SEC23B: variants seen among roughly 807,000 people sequenced by gnomAD.
The protein encoded by SEC23B is SEC23 homolog B, COPII component.
In SEC23B, 77 loss-of-function variants were observed where a neutral mutation model predicts 104.3. That is an observed-to-expected ratio of 0.74 (90% CI 0.61 to 0.89). The LOEUF (loss-of-function observed/expected upper bound fraction) is 0.89, where lower values mean the gene tolerates loss of function less well. Ranked by LOEUF, SEC23B falls within the 40% of genes least tolerant of loss-of-function variation. The pLI is 0.00. For synonymous variants in SEC23B, 338 were observed against 332.5 expected (o/e 1.02, Z -0.18); for missense variants, 885 against 949.4 (o/e 0.93, Z 0.89).
At chr20:18,554,107 C>A in intron 17 of SEC23B, 128 bp from the exon 18 acceptor site, 1 of 1,108,590 alleles carries the variant, frequency 9.0e-7, no homozygotes, top group Non-Finnish European at 1.3e-6. Flanking sequence ...CCCTCTGAAG[C>A]TTGTCATTTT....
Position 18,554,259 on chromosome 20 carries a change from G to A in SEC23B, c.2017G>A (p.Gly673Ser), listed in dbSNP as rs2060414936. ...GACCATAGCCCAGTGGCGTAAAGCTGGCTACCAGGACATGCCCGAGTATGA... is the reference window on the plus strand; with the variant it reads ...GACCATAGCCCAGTGGCGTAAAGCTAGCTACCAGGACATGCCCGAGTATGA... The part of the protein sequence containing the change: ...GETIAQWRKA[G>S]YQDMPEYENF... Residue 673 changes from glycine (G) to serine (S), a missense_variant, in exon 18 of 20, where the codon GGC becomes AGC. Gly to Ser is a moderately conservative substitution (Grantham distance 56, BLOSUM62 0). Transcript: ENST00000650089. 2 of 1,614,022 alleles carry A rather than the reference G, an allele frequency of 1.2e-6. No individual in the cohort carries two copies. Among genetic ancestry groups the A allele is most frequent in the Non-Finnish European group, 1.7e-6 (2 of 1,180,026 alleles).
chr20:18,555,803 C>T (rs1479996384), intron 19 of SEC23B, among the ~76,000 whole-genome samples: 3 of 151,940 alleles, frequency 2.0e-5, no homozygotes, highest in South Asian at 2.1e-4. Flanking sequence ...GTATCACAAC[C>T]GGGATATTGA....
At chr20:18,517,557 GTGT>G (rs1233063244) in intron 4 of SEC23B, among the ~76,000 whole-genome samples, 1 of 152,164 alleles carries the variant, frequency 6.6e-6, no homozygotes, top group East Asian at 1.9e-4. Flanking sequence ...TGACATTCCT[GTGT>G]TGTTATATTA....
intron 14 of SEC23B, among the ~76,000 whole-genome samples, chr20:18,544,367 T>C (rs1012435200): frequency 1.3e-5 from 2 of 152,182 alleles, no homozygotes; most frequent in Non-Finnish European, 2.9e-5. Flanking sequence ...AGAGGGAGGA[T>C]AGATAAGCAG....
intron 4 of SEC23B, among the ~76,000 whole-genome samples, chr20:18,520,225 G>C (rs1236568715): frequency 7.7e-6 from 1 of 129,918 alleles, no homozygotes; most frequent in Non-Finnish European, 1.8e-5. Context: ...GGCTTGTCCA[G>C]TTTTTGGACA....
At chr20:18,516,604 T>C (rs1050374005) in intron 4 of SEC23B, among the ~76,000 whole-genome samples, 1 of 150,916 alleles carries the variant, frequency 6.6e-6, no homozygotes, top group Non-Finnish European at 1.5e-5. Flanking sequence ...CAGGCTGGAG[T>C]GCAGTGGCAC....
intron 10 of SEC23B, among the ~76,000 whole-genome samples, chr20:18,531,935 G>T (rs1484478986): frequency 6.6e-6 from 1 of 152,108 alleles, no homozygotes; most frequent in Non-Finnish European, 1.5e-5. Flanking sequence ...GTGCACACCT[G>T]TGGTTCCAGC....
intron 6 of SEC23B, 63 bp downstream of exon 6, chr20:18,525,083 A>G: frequency 7.5e-7 from 1 of 1,342,054 alleles, no homozygotes; most frequent in East Asian, 2.3e-5. Context: ...CCATGGGAGT[A>G]AGGGAAGAAA....
chr20:18,530,885 T>C, intron 10 of SEC23B, 82 bp downstream of exon 10: 2 of 1,170,946 alleles, frequency 1.7e-6, no homozygotes. Context: ...CAGGCAATTT[T>C]CCCGCCTCAG....
At position 18,528,290 on chromosome 20, in the gene SEC23B, T is replaced by A. The variant is rs187625266; in HGVS notation, c.1109+679T>A. Among the ~76,000 whole-genome samples, 24 of 152,344 alleles carry A rather than the reference T, an allele frequency of 1.6e-4. No homozygotes were observed. In the East Asian group the frequency reaches 4.4e-3, roughly 28 times the overall value. Reference sequence around the variant, plus strand: ...GTCTGCAGCTGCCTACGTATTGTTATCACCAGGGGAACTTTAAAAGCTACA... The same window carrying A: ...GTCTGCAGCTGCCTACGTATTGTTAACACCAGGGGAACTTTAAAAGCTACA... On this transcript the variant is annotated intron_variant, in intron 9 of 19. Transcript: ENST00000650089.
intron 4 of SEC23B, among the ~76,000 whole-genome samples, chr20:18,518,539 G>T (rs2148891762): frequency 7.0e-6 from 1 of 143,790 alleles, no homozygotes; most frequent in East Asian, 2.2e-4. Flanking sequence ...AAGAGATTAT[G>T]AAATGACAAC....
At chr20:18,550,801 G>A (rs2060380381) in intron 16 of SEC23B, among the ~76,000 whole-genome samples, 2 of 150,106 alleles carry the variant, frequency 1.3e-5, no homozygotes, top group South Asian at 2.2e-4. Flanking sequence ...CTCCAGGCTG[G>A]GTAACAGAGC....
intron 13 of SEC23B, 100 bp from the exon 14 acceptor site, chr20:18,542,919 A>G: frequency 6.8e-7 from 1 of 1,462,842 alleles, no homozygotes; most frequent in Non-Finnish European, 9.6e-7. Context: ...GATTTCAGGA[A>G]TGAGCCACTG....
chr20:18,540,395 A>G (rs2060276911), intron 12 of SEC23B, among the ~76,000 whole-genome samples: 1 of 152,174 alleles, frequency 6.6e-6, no homozygotes. Context: ...TTTCCTGAGC[A>G]GCAGGTCTCA....
chr20:18,513,411 A>T (rs534286070), intron 3 of SEC23B, among the ~76,000 whole-genome samples: 1 of 152,156 alleles, frequency 6.6e-6, no homozygotes, highest in African/African-American at 2.4e-5. Context: ...TAATTATTGC[A>T]CAACTGTACG....
rs748301073 is a variant in SEC23B at position 18,561,366 on chromosome 20, G to A, written c.*626G>A. On this transcript the variant is annotated 3_prime_UTR_variant, in exon 20 of 20. Coordinates refer to ENST00000650089, the MANE Select transcript of SEC23B (RefSeq NM_006363.6). The stretch of plus-strand genomic sequence containing the variant: ...GTTGATGTATTTAATTTTAGCCCAT[G>A]TCTCAATTCTCATTTTCAAAGAATC... 1 of 152,316 alleles carries A rather than the reference G, an allele frequency of 6.6e-6. No homozygotes were observed. Among genetic ancestry groups the A allele is most frequent in the African/African-American group, 2.4e-5 (1 of 41,440 alleles). 9.4% of individuals were successfully genotyped at this position (152,316 alleles called of 1,614,324 possible).
rs2059977540 is a variant in SEC23B, at chr20:18,511,018, C to T, written c.183C>T (p.Cys61=). 1 of 1,614,064 alleles carries T rather than the reference C, an allele frequency of 6.2e-7. No individual in the cohort carries two copies. Among genetic ancestry groups the T allele is most frequent in the South Asian group, 1.1e-5 (1 of 91,092 alleles). The change falls in exon 2 of 20, where the codon TGC becomes TGT. Residue 61 remains cysteine (C), a synonymous_variant. Coordinates refer to ENST00000650089, the MANE Select transcript of SEC23B (RefSeq NM_006363.6). ...CTGTACAATATGAACCTGTGCTTTG[C>T]AGCAGGCCAACTTGTAAAGCTGTTC... ...LPPVQYEPVL[C]SRPTCKAVLN...
At chr20:18,556,988 G>A (rs982443968) in intron 19 of SEC23B, among the ~76,000 whole-genome samples, 9 of 152,094 alleles carry the variant, frequency 5.9e-5, no homozygotes, top group African/African-American at 1.9e-4. Context: ...AGAGCAAGAC[G>A]CTATCTTGAA....
At chr20:18,535,187 G>T (rs2060218001) in intron 11 of SEC23B, among the ~76,000 whole-genome samples, 2 of 149,560 alleles carry the variant, frequency 1.3e-5, no homozygotes, top group Admixed American at 6.7e-5. Context: ...GACACCCCCT[G>T]ACACACCCAC....
Sources: gnomAD v4.1 joint callset for allele counts (sites outside exome capture counted in the v4.1 genomes callset) on GRCh38, gnomAD v4.1.1 for gene constraint, MANE v1.5 for transcripts, NCBI Gene and HGNC (gene_info 2026-07-23, HGNC 2026-07-21) for gene names.